DENND1A: variants seen among roughly 807,000 people sequenced by gnomAD.
The protein encoded by DENND1A is DENN domain containing 1A.
Under a neutral mutation model 113.7 loss-of-function variants are expected in DENND1A, and 51 were observed. That is an observed-to-expected ratio of 0.45 (90% CI 0.36 to 0.57). The LOEUF is 0.57. DENND1A is among the 20% of genes least tolerant of loss of function. DENND1A has a pLI of 0.00. For synonymous variants in DENND1A, 565 were observed against 570.8 expected, an observed-to-expected ratio of 0.99 and a Z score of 0.14; for missense variants, 1,258 against 1,395.9, an observed-to-expected ratio of 0.90 and a Z score of 1.57.
intron 5 of DENND1A, among the ~76,000 whole-genome samples, chr9:123,692,466 G>T (rs2065246947): frequency 6.6e-6 from 1 of 152,128 alleles, no homozygotes; most frequent in Non-Finnish European, 1.5e-5. Flanking sequence ...AAGACAGAAT[G>T]AAAGCAAATT....
intron 2 of DENND1A, among the ~76,000 whole-genome samples, chr9:123,818,527 C>A (rs865898768): frequency 2.5e-5 from 1 of 40,738 alleles, no homozygotes; most frequent in Non-Finnish European, 7.6e-5. Context: ...TATACACACA[C>A]ACACACACAC....
intron 11 of DENND1A, 66 bp downstream of exon 11, chr9:123,609,370 T>A: frequency 6.4e-7 from 1 of 1,566,952 alleles, no homozygotes; most frequent in South Asian, 1.1e-5. Context: ...ACTGGGTCTC[T>A]CCACCGCCAC....
chr9:123,762,671 A>G (rs1371411650), intron 4 of DENND1A, among the ~76,000 whole-genome samples: 1 of 152,262 alleles, frequency 6.6e-6, no homozygotes, highest in Non-Finnish European at 1.5e-5. Context: ...CTTTCTGTCT[A>G]GATAGAGACA....
chr9:123,661,354 A>T (rs1298303294), intron 8 of DENND1A, among the ~76,000 whole-genome samples: 1 of 152,222 alleles, frequency 6.6e-6, no homozygotes, highest in East Asian at 1.9e-4. Flanking sequence ...CGGGCAATAA[A>T]GCCTTTGACA....
Position 123,694,452 on chromosome 9 carries a change from TGA to T in DENND1A, c.303-17665_303-17664del, listed in dbSNP as rs2065380247. Among the ~76,000 whole-genome samples the T allele has an allele frequency of 3.9e-5, 6 of 152,316 alleles. No individual in the cohort carries two copies. In the South Asian group the frequency reaches 1.2e-3, roughly 32 times the overall value. On this transcript the variant is annotated intron_variant, in intron 5 of 23. Transcript: ENST00000394215. ...ATTTTGTAGCAAAAGAAAGATGAGC[TGA>T]GAGAATATAAGGGACTTACCTAGAG...
intron 13 of DENND1A, among the ~76,000 whole-genome samples, chr9:123,483,654 G>C (rs1284710927): frequency 1.3e-5 from 2 of 152,188 alleles, no homozygotes; most frequent in African/African-American, 4.8e-5. Context: ...AGTGTGTCCT[G>C]GGGTGGCTCC....
chr9:123,667,224 T>C, intron 7 of DENND1A, 145 bp from the exon 8 acceptor site: 1 of 787,582 alleles, frequency 1.3e-6, no homozygotes, highest in South Asian at 1.8e-5. Flanking sequence ...TGGAATATTT[T>C]CTTTGGATAA....
At chr9:123,430,641 T>C (rs1228482814) in intron 19 of DENND1A, among the ~76,000 whole-genome samples, 1 of 151,988 alleles carries the variant, frequency 6.6e-6, no homozygotes, top group Non-Finnish European at 1.5e-5. Context: ...ATGGACACAC[T>C]GGGGGAATAA....
chr9:123,549,060 TC>T (rs2056882120), intron 13 of DENND1A, among the ~76,000 whole-genome samples: 1 of 152,188 alleles, frequency 6.6e-6, no homozygotes, highest in East Asian at 1.9e-4. Flanking sequence ...AAATAGCACA[TC>T]TTATGTTATA....
rs552843973 is a variant in DENND1A at position 123,486,490 on chromosome 9, G to A, written c.994-28593C>T. ...ACACACCGAGACTTCTGGGAGGCCA[G>A]GAAGGAAGCAGCTGGCTCCTGCATC... On this transcript the variant is annotated intron_variant, in intron 13 of 23. Coordinates refer to ENST00000394215, the MANE Select transcript of DENND1A (RefSeq NM_001352964.2). Among the ~76,000 whole-genome samples the A allele has an allele frequency of 6.6e-5, 10 of 152,058 alleles. No homozygotes were observed. In the South Asian group the frequency reaches 2.1e-3, roughly 32 times the overall value.
At chr9:123,809,066 G>GT (rs879762633) in intron 2 of DENND1A, among the ~76,000 whole-genome samples, 14 of 152,222 alleles carry the variant, frequency 9.2e-5, no homozygotes, top group Non-Finnish European at 1.8e-4. Context: ...GCTCAGGGAT[G>GT]TGGGGAGACA....
At chr9:123,399,091 C>T (rs577962829) in intron 21 of DENND1A, among the ~76,000 whole-genome samples, 56 of 152,256 alleles carry the variant, frequency 3.7e-4, no homozygotes, top group Middle Eastern at 3.4e-3. Context: ...CCACCGCGCC[C>T]GGCCGTGGCC....
At chr9:123,743,789 G>A (rs887740818) in intron 5 of DENND1A, among the ~76,000 whole-genome samples, 3 of 151,606 alleles carry the variant, frequency 2.0e-5, no homozygotes, top group African/African-American at 4.8e-5. Context: ...TATATACCTC[G>A]TAATCTTTAA....
chr9:123,740,949 C>T (rs1387802329), intron 5 of DENND1A, among the ~76,000 whole-genome samples: 1 of 104,894 alleles, frequency 9.5e-6, no homozygotes, highest in Non-Finnish European at 1.9e-5. Context: ...AGAGTATGGA[C>T]AGGCAAGTAC....
chr9:123,467,695 G>A (rs1016432901), intron 13 of DENND1A, among the ~76,000 whole-genome samples: 2 of 152,090 alleles, frequency 1.3e-5, no homozygotes, highest in African/African-American at 4.8e-5. Flanking sequence ...CAGTTCAAAG[G>A]TAAAAATGTT....
chr9:123,438,630 T>A (rs1435973304), intron 19 of DENND1A, among the ~76,000 whole-genome samples: 1 of 151,916 alleles, frequency 6.6e-6, no homozygotes, highest in Non-Finnish European at 1.5e-5. Flanking sequence ...ACTTGCATAA[T>A]GCTGGCAGCC....
intron 5 of DENND1A, among the ~76,000 whole-genome samples, chr9:123,730,198 G>A (rs1454652498): frequency 3.3e-5 from 5 of 152,132 alleles, no homozygotes; most frequent in Admixed American, 6.6e-5. Context: ...ATAGGCATGG[G>A]CAAAGACTTC....
intron 13 of DENND1A, among the ~76,000 whole-genome samples, chr9:123,506,005 G>A (rs1048103981): frequency 1.3e-5 from 2 of 151,850 alleles, no homozygotes; most frequent in Non-Finnish European, 2.9e-5. Context: ...CGCCTGAGCC[G>A]AAAGTTTCCA....
At chr9:123,524,278 G>A (rs907054104) in intron 13 of DENND1A, among the ~76,000 whole-genome samples, 23 of 152,194 alleles carry the variant, frequency 1.5e-4, no homozygotes, top group Non-Finnish European at 2.4e-4. Context: ...GATAATAAAC[G>A]AATCATGCTG....
Sources: gnomAD v4.1 joint callset for allele counts (sites outside exome capture counted in the v4.1 genomes callset) on GRCh38, gnomAD v4.1.1 for gene constraint, MANE v1.5 for transcripts, NCBI Gene and HGNC (gene_info 2026-07-23, HGNC 2026-07-21) for gene names.